Variants in ATP11A observed in about 807,000 individuals in gnomAD.
ATP11A encodes ATPase phospholipid transporting 11A.
Under a neutral mutation model 154.4 loss-of-function variants are expected in ATP11A, and 81 were observed. The observed-to-expected ratio is 0.52, with a 90% confidence interval of 0.44 to 0.63. The LOEUF (loss-of-function observed/expected upper bound fraction) is 0.63. Ranked by LOEUF, ATP11A falls within the 30% of genes least tolerant of loss-of-function variation. The pLI, the probability that ATP11A is intolerant of heterozygous loss-of-function variation, is 0.00. For synonymous variants in ATP11A, 623 were observed against 585.9 expected (o/e 1.06, Z -0.91); for missense variants, 1,316 against 1,474.3 (o/e 0.89, Z 1.76).
intron 1 of ATP11A, chr13:112,747,234 G>C (rs913781166): frequency 3.3e-5 from 5 of 152,252 alleles, no homozygotes; most frequent in African/African-American, 1.2e-4. Context: ...TGCAGCCTCA[G>C]GGCCAGGGTG....
chr13:112,735,387 T>G (rs1237014468), intron 1 of ATP11A, among the ~76,000 whole-genome samples: 1 of 152,210 alleles, frequency 6.6e-6, no homozygotes, highest in Non-Finnish European at 1.5e-5. Flanking sequence ...TGTTTCCAAT[T>G]GCCTGAGCTC....
At position 112,697,727 on chromosome 13, in the gene ATP11A, G is replaced by GTTT. The variant is rs531749066; in HGVS notation, c.39+7296_39+7298dup. ...GGATTTGTGCCACGACGCCCGGCCA[G>GTTT]TTTTTTTTTTTTTTTTTTTTTTTTT... On this transcript the variant is annotated intron_variant, in intron 1 of 29. Transcript: ENST00000375645. This position sits in a 1 kb window ranked among gnomAD's most constrained non-coding sequence, Gnocchi z 4.0. 5.4e-4 allele frequency among the ~76,000 whole-genome samples: 68 copies of GTTT among 126,608 alleles called. 2 individuals carry two copies. The highest frequency in any genetic ancestry group is 2.1e-3 in the African/African-American group (65 of 30,964). The allele number at this position is 126,608 out of a possible 152,430, so 83.1% of individuals were successfully genotyped here. A position where few individuals can be genotyped will look rare whatever the true frequency, so the allele number is the denominator to read the frequency against.
At chr13:112,694,711 C>A (rs1009897591) in intron 1 of ATP11A, among the ~76,000 whole-genome samples, 1 of 152,086 alleles carries the variant, frequency 6.6e-6, no homozygotes, top group Non-Finnish European at 1.5e-5. Flanking sequence ...TGTTCTTTTG[C>A]CTGTCAGAGC....
At chr13:112,818,703 A>G (rs1279359715) in intron 6 of ATP11A, among the ~76,000 whole-genome samples, 1 of 152,214 alleles carries the variant, frequency 6.6e-6, no homozygotes, top group African/African-American at 2.4e-5. Context: ...ACTGGGCACC[A>G]TATTAGAAGT....
At chr13:112,749,083 C>T (rs2076627740) in intron 1 of ATP11A, among the ~76,000 whole-genome samples, 1 of 152,222 alleles carries the variant, frequency 6.6e-6, no homozygotes, top group Non-Finnish European at 1.5e-5. Context: ...GGCCCCAGGG[C>T]AGGTGGCTGC....
At position 112,838,175 on chromosome 13, in the gene ATP11A, C is replaced by T. The variant is rs929166636; in HGVS notation, c.1705+1924C>T. Among the ~76,000 whole-genome samples the T allele has an allele frequency of 3.9e-5, 6 of 152,292 alleles. No individual in the cohort carries two copies. The highest frequency in any genetic ancestry group is 2.1e-4 in the South Asian group (1 of 4,818). ...GGGTCTGAGAACAGGTTCAGATGCG[C>T]GAGACTTCTGTGTGTCAGAACCCTT... On this transcript the variant is annotated intron_variant, in intron 16 of 29. Coordinates refer to ENST00000375645, the MANE Select transcript of ATP11A (RefSeq NM_015205.3). This position sits in a 1 kb window ranked among gnomAD's most constrained non-coding sequence, Gnocchi z 7.3.
intron 28 of ATP11A, 148 bp from the exon 29 acceptor site, chr13:112,878,069 G>A: frequency 2.8e-6 from 2 of 725,230 alleles, no homozygotes; most frequent in Non-Finnish European, 4.8e-6. Flanking sequence ...AGAAGAACTT[G>A]CACGTGGTGG....
intron 1 of ATP11A, among the ~76,000 whole-genome samples, chr13:112,722,133 A>G (rs1421840726): frequency 6.6e-6 from 1 of 152,168 alleles, no homozygotes; most frequent in Non-Finnish European, 1.5e-5. Flanking sequence ...CCTGTCACAC[A>G]GTCCTCAGGA....
At chr13:112,728,518 G>A (rs1223540465) in intron 1 of ATP11A, among the ~76,000 whole-genome samples, 2 of 145,366 alleles carry the variant, frequency 1.4e-5, no homozygotes, top group African/African-American at 2.6e-5. Flanking sequence ...CAGTATCCAC[G>A]CGTGGAGGGG....
chr13:112,701,505 G>C (rs563351218), intron 1 of ATP11A, among the ~76,000 whole-genome samples: 1 of 152,262 alleles, frequency 6.6e-6, no homozygotes, highest in African/African-American at 2.4e-5. Flanking sequence ...GTCCACAGTG[G>C]GTATTCAGCA....
intron 16 of ATP11A, 34 bp downstream of exon 16, chr13:112,836,285 A>G (rs1264688478): frequency 2.2e-6 from 3 of 1,383,116 alleles, no homozygotes; most frequent in Non-Finnish European, 3.1e-6. Flanking sequence ...TTATTAAGTT[A>G]TACGTGGTGG....
chr13:112,839,012 A>G (rs956351000), intron 16 of ATP11A, among the ~76,000 whole-genome samples: 5 of 152,102 alleles, frequency 3.3e-5, no homozygotes, highest in African/African-American at 1.2e-4. Context: ...TTTGGGGCTG[A>G]GCAGCCCCAA....
Position 112,851,181 on chromosome 13 carries a change from G to C in ATP11A, c.1954G>C (p.Asp652His). The C allele has an allele frequency of 6.2e-7, 1 of 1,614,182 alleles. No homozygotes were observed. Among genetic ancestry groups the C allele is most frequent in the Non-Finnish European group, 8.5e-7 (1 of 1,180,040 alleles). ...AGAAGCCTATGAGCAAATAGAGAAA[G>C]ATCTTACTCTGCTTGGTGCTACAGC... The part of the protein sequence containing the change: ...LAEAYEQIEK[D>H]LTLLGATAVE... Residue 652 changes from aspartate (D) to histidine (H), a missense_variant, in exon 18 of 30, where the codon GAT becomes CAT. By Grantham distance (81) the Asp-to-His change is moderately conservative. Coordinates refer to ENST00000375645, the MANE Select transcript of ATP11A (RefSeq NM_015205.3).
At chr13:112,809,335 C>T (rs1469674093) in intron 4 of ATP11A, among the ~76,000 whole-genome samples, 2 of 152,188 alleles carry the variant, frequency 1.3e-5, no homozygotes, top group South Asian at 2.1e-4. Context: ...GATATCCATG[C>T]GTCCCAGGCT....
intron 1 of ATP11A, among the ~76,000 whole-genome samples, chr13:112,732,329 GA>G (rs1193928351): frequency 6.6e-6 from 1 of 152,130 alleles, no homozygotes. Flanking sequence ...AAAACTAAAA[GA>G]AATAATGTGT....
At chr13:112,834,559 T>C in intron 14 of ATP11A, 30 bp from the exon 15 acceptor site, 2 of 1,488,316 alleles carry the variant, frequency 1.3e-6, no homozygotes, top group African/African-American at 2.8e-5. Context: ...GAATCTCAGA[T>C]TCACCCCGAG....
intron 1 of ATP11A, among the ~76,000 whole-genome samples, chr13:112,724,906 AG>A (rs1889649563): frequency 6.6e-6 from 1 of 152,146 alleles, no homozygotes; most frequent in South Asian, 2.1e-4. Context: ...CTGTTTCCAA[AG>A]GTGATCTGCC....
chr13:112,761,516 G>A (rs117476444), intron 1 of ATP11A, among the ~76,000 whole-genome samples: 2,711 of 152,252 alleles, frequency 0.018, 32 homozygotes, highest in Middle Eastern at 0.051. Context: ...AAAACATTGT[G>A]TCCATAGGAT....
At chr13:112,755,089 G>A (rs995577179) in intron 1 of ATP11A, among the ~76,000 whole-genome samples, 2 of 152,228 alleles carry the variant, frequency 1.3e-5, no homozygotes, top group Non-Finnish European at 2.9e-5. Flanking sequence ...GATGAAATGC[G>A]ACTGTGGACG....
Sources: allele counts gnomAD v4.1 joint callset (sites outside exome capture counted in the v4.1 genomes callset), GRCh38; gene constraint gnomAD v4.1.1; non-coding constraint Gnocchi (gnomAD v3.1); transcripts MANE v1.5; gene names NCBI Gene and HGNC (gene_info 2026-07-23, HGNC 2026-07-21).